The following EPHA6 variants were observed in gnomAD, a reference collection of about 807,000 sequenced individuals.
The protein encoded by EPHA6 is ephrin type-A receptor 6.
In EPHA6, 50 loss-of-function variants were observed where a neutral mutation model predicts 112.0. The observed-to-expected ratio is 0.45, with a 90% CI of 0.36 to 0.56. The LOEUF (loss-of-function observed/expected upper bound fraction) is 0.56. Ranked by LOEUF, EPHA6 falls within the 20% of genes least tolerant of loss-of-function variation. The probability of loss-of-function intolerance (pLI) is 0.00; values close to 1 mark genes in which losing one functional copy is unlikely to be tolerated. For missense variants in EPHA6, 1,280 were observed against 1,417.4 expected, an observed-to-expected ratio of 0.90 and a Z score of 1.56; for synonymous variants, 529 against 490.7, an observed-to-expected ratio of 1.08 and a Z score of -1.03.
intron 6 of EPHA6, among the ~76,000 whole-genome samples, chr3:97,440,317 T>C (rs1395979076): frequency 6.6e-6 from 1 of 152,082 alleles, no homozygotes; most frequent in Non-Finnish European, 1.5e-5. Flanking sequence ...TATATAGTCA[T>C]ATTAGAAGAT....
intron 5 of EPHA6, among the ~76,000 whole-genome samples, chr3:97,361,961 C>G (rs2084396225): frequency 6.6e-6 from 1 of 152,088 alleles, no homozygotes; most frequent in African/African-American, 2.4e-5. Context: ...GAAAGTTTAC[C>G]TAAAAACCTG....
intron 3 of EPHA6, among the ~76,000 whole-genome samples, chr3:97,091,025 T>G (rs2047049334): frequency 6.6e-6 from 1 of 152,110 alleles, no homozygotes; most frequent in Non-Finnish European, 1.5e-5. Context: ...TGCAGCCATT[T>G]ACCAAAAATT....
At chr3:97,429,292 G>A (rs986465544) in intron 6 of EPHA6, among the ~76,000 whole-genome samples, 16 of 152,102 alleles carry the variant, frequency 1.1e-4, no homozygotes, top group African/African-American at 3.6e-4. Context: ...AATTATGCAT[G>A]TATCTTTTTT....
At chr3:97,038,451 C>G (rs116061982) in intron 3 of EPHA6, among the ~76,000 whole-genome samples, 285 of 152,090 alleles carry the variant, frequency 1.9e-3, no homozygotes, top group African/African-American at 6.8e-3. Flanking sequence ...CCATAGTGAC[C>G]TACAGTTCCA....
At chr3:97,406,931 T>G (rs1466573395) in intron 6 of EPHA6, among the ~76,000 whole-genome samples, 1 of 152,102 alleles carries the variant, frequency 6.6e-6, no homozygotes, top group Non-Finnish European at 1.5e-5. Flanking sequence ...TTTCATACAC[T>G]CAAAATTTCT....
intron 14 of EPHA6, among the ~76,000 whole-genome samples, chr3:97,714,347 T>C: frequency 6.6e-6 from 1 of 152,232 alleles, no homozygotes; most frequent in Non-Finnish European, 1.5e-5. Context: ...TTCTCCTTTG[T>C]AGCTATAAAT....
chr3:97,095,794 CAT>C (rs1302759771), intron 3 of EPHA6, among the ~76,000 whole-genome samples: 2 of 151,698 alleles, frequency 1.3e-5, no homozygotes, highest in African/African-American at 4.8e-5. Flanking sequence ...AACAAAAAAA[CAT>C]ATGATTGAAT....
At chr3:96,907,858 G>C (rs1236234950) in intron 2 of EPHA6, among the ~76,000 whole-genome samples, 3 of 151,844 alleles carry the variant, frequency 2.0e-5, no homozygotes, top group African/African-American at 7.3e-5. Context: ...TGTTCTTTCT[G>C]TATGAGTTCA....
At chr3:97,590,313 T>G (rs892267479) in intron 11 of EPHA6, 1 of 152,186 alleles carries the variant, frequency 6.6e-6, no homozygotes, top group African/African-American at 2.4e-5. Context: ...TTATGAATGA[T>G]GCAGGAAGCT....
intron 10 of EPHA6, among the ~76,000 whole-genome samples, chr3:97,520,432 T>G (rs893275908): frequency 6.6e-6 from 1 of 152,208 alleles, no homozygotes; most frequent in Non-Finnish European, 1.5e-5. Flanking sequence ...TTTCTTTCTC[T>G]GAGAAAACAA....
intron 2 of EPHA6, among the ~76,000 whole-genome samples, chr3:96,972,066 T>G (rs2042335124): frequency 1.3e-5 from 2 of 152,142 alleles, no homozygotes; most frequent in Admixed American, 1.3e-4. Flanking sequence ...AATAATATGC[T>G]GTATCATTTG....
intron 3 of EPHA6, among the ~76,000 whole-genome samples, chr3:97,088,182 AAATT>A (rs751296882): frequency 4.6e-4 from 70 of 152,176 alleles, no homozygotes; most frequent in Non-Finnish European, 7.6e-4. Flanking sequence ...TCCATCTAAA[AAATT>A]AATTAATTAA....
chr3:97,286,974 C>T (rs1423785811), intron 5 of EPHA6, among the ~76,000 whole-genome samples: 1 of 149,776 alleles, frequency 6.7e-6, no homozygotes, highest in East Asian at 2.0e-4. Context: ...TAAATTTATT[C>T]CTAGGTTTTT....
chr3:97,389,247 C>A (rs1487267393), intron 5 of EPHA6, among the ~76,000 whole-genome samples: 2 of 152,132 alleles, frequency 1.3e-5, no homozygotes, highest in African/African-American at 2.4e-5. Flanking sequence ...TGCATACACT[C>A]AGAATGATGC....
chr3:96,908,879 T>C (rs369668940), intron 2 of EPHA6, among the ~76,000 whole-genome samples: 2 of 151,932 alleles, frequency 1.3e-5, no homozygotes, highest in East Asian at 3.9e-4. Flanking sequence ...CCTAATCTGG[T>C]TTTAAGGGAA....
At chr3:97,718,632 T>A (rs2034361657) in intron 14 of EPHA6, among the ~76,000 whole-genome samples, 1 of 152,108 alleles carries the variant, frequency 6.6e-6, no homozygotes, top group African/African-American at 2.4e-5. Flanking sequence ...AAGAATGAAT[T>A]TTCTCCCCTT....
chr3:97,600,534 C>T (rs2093634678), intron 12 of EPHA6, among the ~76,000 whole-genome samples: 2 of 152,034 alleles, frequency 1.3e-5, no homozygotes, highest in Non-Finnish European at 2.9e-5. Context: ...AAAAATAAGA[C>T]TCCTCATTAT....
chr3:97,272,803 G>A (rs2079933655), intron 5 of EPHA6, among the ~76,000 whole-genome samples: 1 of 152,124 alleles, frequency 6.6e-6, no homozygotes, highest in Non-Finnish European at 1.5e-5. Context: ...CCGGCCATCT[G>A]GATGTGTACG....
intron 2 of EPHA6, among the ~76,000 whole-genome samples, chr3:96,964,284 G>A (rs1247470912): frequency 1.3e-5 from 2 of 152,130 alleles, no homozygotes; most frequent in African/African-American, 4.8e-5. Context: ...ACAGCAGCCT[G>A]TTAAAACTGG....
Sources: allele counts gnomAD v4.1 joint callset (sites outside exome capture counted in the v4.1 genomes callset), GRCh38; gene constraint gnomAD v4.1.1; transcripts MANE v1.5; gene names NCBI Gene and HGNC (gene_info 2026-07-23, HGNC 2026-07-21).